EXOC1: variants seen among roughly 807,000 people sequenced by gnomAD.
EXOC1 encodes exocyst complex component 1.
A neutral mutation model predicts 107.7 loss-of-function variants in EXOC1; 67 were observed. The ratio of observed to expected loss-of-function variants is 0.62; its 90% confidence interval spans 0.51 to 0.76. EXOC1 has a LOEUF of 0.76. Ranked by LOEUF, EXOC1 falls within the 30% of genes least tolerant of loss-of-function variation. The probability of loss-of-function intolerance (pLI) is 0.00; values close to 1 mark genes in which losing one functional copy is unlikely to be tolerated. For synonymous variants in EXOC1, 348 were observed against 353.5 expected (o/e 0.98, Z 0.17); for missense variants, 833 against 1,055.7 (o/e 0.79, Z 2.92).
At chr4:55,866,804 T>A (rs1222373715) in intron 4 of EXOC1, 1 of 937,960 alleles carries the variant, frequency 1.1e-6, no homozygotes, top group African/African-American at 1.8e-5. Context: ...TAAGCCTGTT[T>A]ACTTTTCTAC....
intron 4 of EXOC1, chr4:55,866,913 T>G (rs1722012968): frequency 4.1e-6 from 4 of 984,570 alleles, no homozygotes; most frequent in African/African-American, 1.7e-5. Flanking sequence ...CCTTTTCTTC[T>G]TCTATTCCAT....
In EXOC1 at chr4:55,893,450, T is replaced by C. The variant is rs190879982; in HGVS notation, c.1725-102T>C. On this transcript the variant is annotated intron_variant, in intron 14 of 18. Transcript: ENST00000381295. ...GACATTTTTAATTGAAATTTAATTA[T>C]GGTATTTTTGTCCTTTTGTATATAC... 16 of 990,642 alleles carry C rather than the reference T, an allele frequency of 1.6e-5. No individual in the cohort carries two copies. In the East Asian group the frequency reaches 4.0e-4, roughly 25 times the overall value. The allele number at this position is 990,642 out of a possible 1,614,324, so 61.4% of individuals were successfully genotyped here.
chr4:55,898,198 A>C (rs1034627435), intron 16 of EXOC1, among the ~76,000 whole-genome samples: 2 of 152,200 alleles, frequency 1.3e-5, no homozygotes, highest in Non-Finnish European at 2.9e-5. Context: ...TCAAGGCTGC[A>C]GTGAGCCTTG....
intron 10 of EXOC1, among the ~76,000 whole-genome samples, chr4:55,884,170 T>C (rs1453462801): frequency 6.6e-6 from 1 of 152,160 alleles, no homozygotes; most frequent in East Asian, 1.9e-4. Flanking sequence ...CATGCTGTAA[T>C]CAAATATATA....
intron 2 of EXOC1, 105 bp from the exon 3 acceptor site, chr4:55,860,306 T>A: frequency 7.1e-7 from 1 of 1,411,522 alleles, no homozygotes; most frequent in African/African-American, 1.4e-5. Flanking sequence ...TACACCTCTT[T>A]TAGTATCAGC....
intron 16 of EXOC1, among the ~76,000 whole-genome samples, chr4:55,898,888 T>A (rs928645846): frequency 2.2e-4 from 34 of 152,198 alleles, no homozygotes; most frequent in African/African-American, 8.0e-4. Context: ...TCTATCTTTG[T>A]ATACTTGTCA....
intron 1 of EXOC1, among the ~76,000 whole-genome samples, chr4:55,854,180 C>T (rs1448189436): frequency 7.2e-4 from 104 of 145,430 alleles, no homozygotes; most frequent in Non-Finnish European, 1.2e-3. Context: ...GCCCCCCAAC[C>T]CCAACTCCCC....
chr4:55,857,927 C>T (rs1441573117), intron 1 of EXOC1, among the ~76,000 whole-genome samples: 1 of 152,136 alleles, frequency 6.6e-6, no homozygotes, highest in Non-Finnish European at 1.5e-5. Context: ...TGCTTATTGG[C>T]CATTTGTATA....
At chr4:55,888,205 C>T (rs1724111425) in intron 10 of EXOC1, among the ~76,000 whole-genome samples, 3 of 152,104 alleles carry the variant, frequency 2.0e-5, no homozygotes, top group African/African-American at 4.8e-5. Flanking sequence ...AAAGAAATGC[C>T]TAATGACCTA....
intron 2 of EXOC1, 64 bp downstream of exon 2, chr4:55,858,511 CTT>C: frequency 6.9e-7 from 1 of 1,455,924 alleles, no homozygotes; most frequent in South Asian, 1.6e-5. Context: ...GATATTTCCT[CTT>C]TGTTTTGAAT....
intron 8 of EXOC1, chr4:55,875,905 T>G: frequency 1.1e-6 from 1 of 907,052 alleles, no homozygotes; most frequent in Non-Finnish European, 1.3e-6. Context: ...TCTCTATTAA[T>G]AAAAATAAAT....
chr4:55,873,583 T>TTG (rs1722633655), intron 8 of EXOC1, among the ~76,000 whole-genome samples: 1 of 152,194 alleles, frequency 6.6e-6, no homozygotes. Flanking sequence ...GCTTCTTGCC[T>TTG]TGTAAACTAA....
In EXOC1 at chr4:55,883,828, C is replaced by T. The variant is rs749531381; in HGVS notation, c.1230C>T (p.Tyr410=). 1 of 1,565,704 alleles carries T rather than the reference C, an allele frequency of 6.4e-7. No homozygotes were observed. The highest frequency in any genetic ancestry group is 1.2e-5 in the South Asian group (1 of 83,980). Residue 410 remains tyrosine, a synonymous_variant, in exon 10 of 19, where the codon TAC becomes TAT. Transcript: ENST00000381295. ...YGKYEGLTKN[Y]MDYLSRLYER... Reference sequence around the variant, plus strand: ...CATGTTACTTTTATTTTAAGAATTACATGGATTATTTATCCCGACTATATG... The same window carrying T: ...CATGTTACTTTTATTTTAAGAATTATATGGATTATTTATCCCGACTATATG...
intron 15 of EXOC1, among the ~76,000 whole-genome samples, chr4:55,894,580 G>T (rs922982170): frequency 7.3e-6 from 1 of 137,904 alleles, no homozygotes; most frequent in East Asian, 2.2e-4. Flanking sequence ...CCTCCTAATA[G>T]AAAAAAATTT....
rs1461503042 is a variant in EXOC1, at chr4:55,892,706, A to G, written c.1719A>G (p.Ser573=). The G allele has an allele frequency of 3.1e-6, 5 of 1,614,006 alleles. No individual in the cohort carries two copies. The African/African-American group carries it at 5.3e-5, about 17-fold the overall frequency. Residue 573 remains serine (S), a synonymous_variant, in exon 14 of 19, where the codon TCA becomes TCG. Coordinates refer to ENST00000381295, the MANE Select transcript of EXOC1 (RefSeq NM_001024924.2). The part of the protein sequence containing the change: ...QHNCGTPLPV[S]SEKDMIRQMM... ...ATTGTGGCACACCACTGCCTGTTTC[A>G]TCTGAGTATGTCTTTGTTACTATCA... is the stretch of plus-strand genomic sequence containing the variant.
chr4:55,868,559 A>G (rs747644671), intron 5 of EXOC1, 36 bp downstream of exon 5: 5 of 1,584,536 alleles, frequency 3.2e-6, no homozygotes, highest in Non-Finnish European at 2.6e-6. Context: ...TAAGTGATGT[A>G]TAGTGGATTG....
At chr4:55,875,852 C>G (rs1358210267) in intron 8 of EXOC1, 5 of 955,602 alleles carry the variant, frequency 5.2e-6, no homozygotes, top group Non-Finnish European at 6.2e-6. Context: ...ATAACTTGAG[C>G]CCAGGAGTTT....
At chr4:55,884,017 A>AGG (rs1723647265) in intron 10 of EXOC1, 89 bp downstream of exon 10, 1 of 884,416 alleles carries the variant, frequency 1.1e-6, no homozygotes, top group African/African-American at 1.8e-5. Context: ...AGCAAGGTGG[A>AGG]GGTAGATCCA....
In EXOC1 at chr4:55,866,366, T is replaced by C. The variant is rs1248140530; in HGVS notation, c.416-1970T>C. ...TTGCAACCAGCTTTTTAAAAAAGAA[T>C]CTTTGACTTGAATCCTTAAATGCTG... On this transcript the variant is annotated intron_variant, in intron 4 of 18. Transcript: ENST00000381295. Among the ~76,000 whole-genome samples the C allele has an allele frequency of 3.9e-5, 6 of 152,284 alleles. No individual in the cohort carries two copies. In the East Asian group the frequency reaches 1.2e-3, roughly 29 times the overall value.
Sources: allele counts gnomAD v4.1 joint callset (sites outside exome capture counted in the v4.1 genomes callset), GRCh38; gene constraint gnomAD v4.1.1; transcripts MANE v1.5; gene names NCBI Gene and HGNC (gene_info 2026-07-23, HGNC 2026-07-21).